Variants in NAALADL2 observed in about 807,000 individuals in gnomAD.
NAALADL2 encodes the protein inactive N-acetylated-alpha-linked acidic dipeptidase-like protein 2.
In NAALADL2, 76 loss-of-function variants were observed where a neutral mutation model predicts 87.2. The ratio of observed to expected loss-of-function variants is 0.87; its 90% CI spans 0.72 to 1.05. NAALADL2 has a LOEUF of 1.05. NAALADL2 is among the 50% of genes least tolerant of loss of function. NAALADL2 has a pLI of 0.00. For missense variants in NAALADL2, 1,089 were observed against 945.8 expected (o/e 1.15, Z -1.99); for synonymous variants, 354 against 331.0 (o/e 1.07, Z -0.75).
intron 2 of NAALADL2, among the ~76,000 whole-genome samples, chr3:175,139,676 C>T (rs191063117): frequency 7.6e-6 from 1 of 131,020 alleles, no homozygotes; most frequent in East Asian, 2.3e-4. Context: ...CTAACCCTAT[C>T]TTCAGTTGAA....
chr3:175,095,057 T>G (rs995847213), intron 1 of NAALADL2, among the ~76,000 whole-genome samples: 1 of 152,014 alleles, frequency 6.6e-6, no homozygotes, highest in Non-Finnish European at 1.5e-5. Context: ...TTGACCAATG[T>G]CACCTTTTCC....
intron 9 of NAALADL2, among the ~76,000 whole-genome samples, chr3:175,485,789 C>A (rs940819644): frequency 6.6e-6 from 1 of 152,162 alleles, no homozygotes; most frequent in Non-Finnish European, 1.5e-5. Flanking sequence ...TTGGCAACAC[C>A]CTCACAGACA....
intron 8 of NAALADL2, among the ~76,000 whole-genome samples, chr3:175,469,112 C>T (rs1169533459): frequency 6.6e-6 from 1 of 151,900 alleles, no homozygotes; most frequent in Non-Finnish European, 1.5e-5. Flanking sequence ...CATTTACTGG[C>T]ATTTTAGGTG....
At chr3:175,388,663 C>G (rs1768711446) in intron 5 of NAALADL2, among the ~76,000 whole-genome samples, 1 of 152,036 alleles carries the variant, frequency 6.6e-6, no homozygotes, top group African/African-American at 2.4e-5. Context: ...CCTTTTTAAA[C>G]ACAGACTGCC....
At chr3:175,736,044 C>T (rs74825390) in intron 11 of NAALADL2, among the ~76,000 whole-genome samples, 109 of 152,184 alleles carry the variant, frequency 7.2e-4, no homozygotes, top group African/African-American at 2.6e-3. Flanking sequence ...TAGGGACATT[C>T]GTTAAGCCCA....
chr3:174,856,685 T>A (rs1008865466), upstream of NAALADL2, among the ~76,000 whole-genome samples: 33 of 152,292 alleles, frequency 2.2e-4, no homozygotes, highest in African/African-American at 7.7e-4. Context: ...GTAAAGTGAT[T>A]TCTTTAATTG....
intron 3 of NAALADL2, among the ~76,000 whole-genome samples, chr3:175,237,828 A>T (rs1475889184): frequency 6.6e-6 from 1 of 152,108 alleles, no homozygotes; most frequent in East Asian, 1.9e-4. Flanking sequence ...CATATGGGAC[A>T]ATTGGGATAA....
chr3:175,730,300 C>T (rs971455683), intron 11 of NAALADL2, among the ~76,000 whole-genome samples: 1 of 149,480 alleles, frequency 6.7e-6, no homozygotes, highest in African/African-American at 2.5e-5. Flanking sequence ...CAAAGAATTA[C>T]AGTTATCCCA....
chr3:174,468,543 G>T (rs902023109), intron 1 of NAALADL2, among the ~76,000 whole-genome samples: 1 of 151,542 alleles, frequency 6.6e-6, no homozygotes, highest in African/African-American at 2.4e-5. Context: ...ACCATGTCTG[G>T]CTAATTTTTT....
intron 2 of NAALADL2, among the ~76,000 whole-genome samples, chr3:174,585,845 A>G (rs1382780999): frequency 6.6e-6 from 1 of 152,120 alleles, no homozygotes; most frequent in Non-Finnish European, 1.5e-5. Context: ...GACTCTGGAG[A>G]TATATTGCCT....
chr3:174,713,852 GT>G (rs1730924555), intron 2 of NAALADL2, among the ~76,000 whole-genome samples: 1 of 152,074 alleles, frequency 6.6e-6, no homozygotes, highest in East Asian at 1.9e-4. Flanking sequence ...TGCTTTTGGT[GT>G]TTTAGACATG....
At chr3:175,077,360 A>G (rs905811545) in intron 1 of NAALADL2, among the ~76,000 whole-genome samples, 1 of 152,364 alleles carries the variant, frequency 6.6e-6, no homozygotes, top group Admixed American at 6.5e-5. Context: ...GAAAAGCAGA[A>G]AGGAAAACAA....
At chr3:174,873,225 A>G (rs1352148376) in intron 1 of NAALADL2, among the ~76,000 whole-genome samples, 1 of 137,310 alleles carries the variant, frequency 7.3e-6, no homozygotes, top group Non-Finnish European at 1.5e-5. Flanking sequence ...CTCTGTGTAC[A>G]TGTCTTTATT....
intron 1 of NAALADL2, among the ~76,000 whole-genome samples, chr3:175,069,938 C>T (rs1715295066): frequency 6.8e-6 from 1 of 147,714 alleles, no homozygotes; most frequent in African/African-American, 2.5e-5. Flanking sequence ...CGCATATTCT[C>T]ACTCATAGGT....
chr3:174,717,599 A>G (rs1249034200), intron 2 of NAALADL2, among the ~76,000 whole-genome samples: 1 of 152,156 alleles, frequency 6.6e-6, no homozygotes. Context: ...TTACAATTCT[A>G]GACTGTAGTC....
At chr3:174,935,662 A>G (rs1371770112) in intron 1 of NAALADL2, among the ~76,000 whole-genome samples, 1 of 152,096 alleles carries the variant, frequency 6.6e-6, no homozygotes, top group Non-Finnish European at 1.5e-5. Context: ...ACAATTGTAA[A>G]CTTTTGGTAT....
At chr3:174,594,942 G>A (rs1717733257) in intron 2 of NAALADL2, among the ~76,000 whole-genome samples, 1 of 152,044 alleles carries the variant, frequency 6.6e-6, no homozygotes, top group African/African-American at 2.4e-5. Flanking sequence ...TTATATTTTT[G>A]CTGATGGAGT....
chr3:174,459,378 G>A (rs1339701751), intron 1 of NAALADL2: 3 of 152,280 alleles, frequency 2.0e-5, no homozygotes, highest in African/African-American at 7.2e-5. Context: ...GAGAGAACCC[G>A]AGACTAGTAT....
chr3:174,932,584 G>T (rs1054354437), intron 1 of NAALADL2, among the ~76,000 whole-genome samples: 1 of 152,016 alleles, frequency 6.6e-6, no homozygotes, highest in Non-Finnish European at 1.5e-5. Flanking sequence ...GAATTGCTGG[G>T]CTTTCCTTAG....
Sources: allele counts gnomAD v4.1 joint callset (sites outside exome capture counted in the v4.1 genomes callset), GRCh38; gene constraint gnomAD v4.1.1; transcripts MANE v1.5; gene names NCBI Gene and HGNC (gene_info 2026-07-23, HGNC 2026-07-21).